Variants in PPP2R2B observed in about 807,000 individuals in gnomAD.
The protein encoded by PPP2R2B is serine/threonine-protein phosphatase 2A 55 kDa regulatory subunit B beta isoform.
Under a neutral mutation model 46.0 loss-of-function variants are expected in PPP2R2B, and 5 were observed. That is an observed-to-expected ratio of 0.11 (90% CI 0.06 to 0.23). PPP2R2B has a LOEUF of 0.23. Among genes scored for constraint, PPP2R2B ranks in the 10% least tolerant of loss-of-function variants. The pLI, the probability that PPP2R2B is intolerant of heterozygous loss-of-function variation, is 1.00. For synonymous variants in PPP2R2B, 215 were observed against 206.7 expected, an observed-to-expected ratio of 1.04 and a Z score of -0.34; for missense variants, 367 against 575.0, an observed-to-expected ratio of 0.64 and a Z score of 3.70.
intron 2 of PPP2R2B, among the ~76,000 whole-genome samples, chr5:146,853,473 TCTACTG>T (rs966161590): frequency 4.6e-5 from 7 of 152,168 alleles, no homozygotes; most frequent in Non-Finnish European, 1.0e-4. Context: ...TCCTGGCTTT[TCTACTG>T]CTAATAAGGT....
At chr5:146,848,062 C>T (rs143377736) in intron 2 of PPP2R2B, among the ~76,000 whole-genome samples, 1,631 of 152,310 alleles carry the variant, frequency 0.011, 37 homozygotes, top group Non-Finnish European at 1.0e-2. Context: ...TGTCCATACT[C>T]CGTCATTTTA....
chr5:146,812,811 A>ATATG (rs1561927692), intron 2 of PPP2R2B, among the ~76,000 whole-genome samples: 8 of 67,386 alleles, frequency 1.2e-4, no homozygotes, highest in Admixed American at 5.6e-4. Flanking sequence ...ATATATATAT[A>ATATG]TATATATATA....
At chr5:147,078,146 T>C (rs951408035) in intron 2 of PPP2R2B, among the ~76,000 whole-genome samples, 5 of 152,240 alleles carry the variant, frequency 3.3e-5, no homozygotes, top group African/African-American at 1.2e-4. Context: ...TAAAAATTCT[T>C]ACCTGTCATA....
chr5:146,952,434 G>A (rs777652553), intron 1 of PPP2R2B, among the ~76,000 whole-genome samples: 57 of 152,140 alleles, frequency 3.7e-4, no homozygotes, highest in Middle Eastern at 3.4e-3. Flanking sequence ...AAATGATCAC[G>A]TTGTCTCTCT....
At chr5:147,014,585 A>T (rs1409910986) in intron 1 of PPP2R2B, among the ~76,000 whole-genome samples, 1 of 152,164 alleles carries the variant, frequency 6.6e-6, no homozygotes, top group Non-Finnish European at 1.5e-5. Flanking sequence ...TGTCCTTTGC[A>T]GGGACATGGA....
At chr5:147,054,630 A>G (rs757907877) in intron 1 of PPP2R2B, 41 of 456,116 alleles carry the variant, frequency 9.0e-5, no homozygotes, top group Non-Finnish European at 1.7e-4. Flanking sequence ...CTTCATTATA[A>G]ACACACAGCC....
Position 146,638,331 on chromosome 5 carries a change from G to T in PPP2R2B, c.710C>A (p.Thr237Asn), listed in dbSNP as rs1455847557. The change falls in exon 7 of 10, where the codon ACC becomes AAC. Residue 237 changes from threonine to asparagine, a missense_variant. Thr to Asn is a moderately conservative substitution (Grantham distance 65, BLOSUM62 0). This residue lies in a region of PPP2R2B where 361 missense variants were observed against 545.5 expected (regional missense o/e 0.66). Transcript: ENST00000394411. ...AAEFHPHHCN[T>N]FVYSSSKGTI... Reference sequence around the variant, plus strand: ...CCCTTTGCTGCTGCTGTACACGAAGGTGTTGCAATGATGGGGGTGGAACTC... The same window carrying T: ...CCCTTTGCTGCTGCTGTACACGAAGTTGTTGCAATGATGGGGGTGGAACTC... 3 of 1,613,810 alleles carry T rather than the reference G, an allele frequency of 1.9e-6. No individual in the cohort carries two copies. Among genetic ancestry groups the T allele is most frequent in the African/African-American group, 2.7e-5 (2 of 74,930 alleles).
chr5:147,037,212 G>A (rs564364226), intron 1 of PPP2R2B, among the ~76,000 whole-genome samples: 6 of 152,184 alleles, frequency 3.9e-5, no homozygotes, highest in African/African-American at 1.2e-4. Context: ...AGGGGCTGTG[G>A]AACCAATTGT....
At chr5:146,743,432 A>C (rs1371969218) in intron 2 of PPP2R2B, among the ~76,000 whole-genome samples, 2 of 152,202 alleles carry the variant, frequency 1.3e-5, no homozygotes, top group Non-Finnish European at 2.9e-5. Flanking sequence ...CTTGTGGTAC[A>C]TAAAAGATAT....
At chr5:147,079,106 C>G (rs1485705794) in intron 2 of PPP2R2B, among the ~76,000 whole-genome samples, 2 of 151,916 alleles carry the variant, frequency 1.3e-5, no homozygotes, top group African/African-American at 2.4e-5. Context: ...AATTTTCTAT[C>G]TGTCTTCATA....
intron 2 of PPP2R2B, among the ~76,000 whole-genome samples, chr5:146,860,637 G>T (rs1344707135): frequency 6.6e-6 from 1 of 152,072 alleles, no homozygotes; most frequent in Non-Finnish European, 1.5e-5. Flanking sequence ...TTTTAAAACT[G>T]GCTTTGGCAA....
intron 5 of PPP2R2B, among the ~76,000 whole-genome samples, chr5:146,654,152 T>A (rs1247675866): frequency 6.6e-6 from 1 of 152,176 alleles, no homozygotes; most frequent in Non-Finnish European, 1.5e-5. Flanking sequence ...TGCCAGTCAC[T>A]GAGTTTAGAA....
rs184928089 is a variant in PPP2R2B at position 146,644,295 on chromosome 5, T to C, written c.626-5880A>G. 9.6e-3 allele frequency among the ~76,000 whole-genome samples: 744 copies of C among 77,572 alleles called. 11 individuals are homozygous for C. The highest frequency in any genetic ancestry group is 0.022 in the African/African-American group (687 of 30,566). The allele number at this position is 77,572 out of a possible 152,430, so 50.9% of individuals were successfully genotyped here. A position where few individuals can be genotyped will look rare whatever the true frequency, so the allele number is the denominator to read the frequency against. ...GAAAGATTCTTGGGTAAATCAGGAGTTTTAAATTGTTTTTGGCTTTGGCTT... is the reference window on the plus strand; with the variant it reads ...GAAAGATTCTTGGGTAAATCAGGAGCTTTAAATTGTTTTTGGCTTTGGCTT... On this transcript the variant is annotated intron_variant, in intron 6 of 9. Transcript: ENST00000394411.
intron 1 of PPP2R2B, among the ~76,000 whole-genome samples, chr5:146,977,588 AC>A (rs1752977196): frequency 6.6e-6 from 1 of 152,036 alleles, no homozygotes; most frequent in Admixed American, 6.5e-5. Flanking sequence ...ATGTGTTCTC[AC>A]TGTTCAACTC....
chr5:146,670,270 A>T (rs1171005069), intron 5 of PPP2R2B, among the ~76,000 whole-genome samples: 1 of 152,170 alleles, frequency 6.6e-6, no homozygotes, highest in African/African-American at 2.4e-5. Context: ...ACTGGCTTTT[A>T]AAAAAATCAG....
At chr5:146,987,473 A>G (rs936529759) in intron 1 of PPP2R2B, among the ~76,000 whole-genome samples, 9 of 152,124 alleles carry the variant, frequency 5.9e-5, no homozygotes, top group African/African-American at 2.2e-4. Context: ...TATCCAAAAG[A>G]CAAAATGTAG....
At chr5:147,066,975 C>T (rs894089948) in intron 2 of PPP2R2B, among the ~76,000 whole-genome samples, 1 of 152,094 alleles carries the variant, frequency 6.6e-6, no homozygotes, top group Non-Finnish European at 1.5e-5. Flanking sequence ...ATTTAATCAC[C>T]ACCTAGGTTA....
chr5:146,650,458 C>T, intron 6 of PPP2R2B, 89 bp downstream of exon 6: 1 of 1,247,768 alleles, frequency 8.0e-7, no homozygotes, highest in Non-Finnish European at 1.1e-6. Flanking sequence ...CTAGGTGTTG[C>T]ATTTCTATTC....
chr5:147,053,410 T>C (rs11743368), intron 1 of PPP2R2B, among the ~76,000 whole-genome samples: 98,367 of 151,926 alleles, frequency 0.65, 33,659 homozygotes, highest in South Asian at 0.77. Context: ...TTGGGCTATT[T>C]GTATTTATTT....
Sources: gnomAD v4.1 joint callset for allele counts (sites outside exome capture counted in the v4.1 genomes callset) on GRCh38, gnomAD v4.1.1 for gene constraint, gnomAD v4.1.1 regional missense constraint, MANE v1.5 for transcripts, NCBI Gene and HGNC (gene_info 2026-07-23, HGNC 2026-07-21) for gene names.